AOPEP: variants seen among roughly 807,000 people sequenced by gnomAD.
AOPEP encodes aminopeptidase O (putative).
In AOPEP, 77 loss-of-function variants were observed where a neutral mutation model predicts 98.1. The ratio of observed to expected loss-of-function variants is 0.78; its 90% CI spans 0.65 to 0.95. The LOEUF is 0.95. Ranked by LOEUF, AOPEP falls within the 40% of genes least tolerant of loss-of-function variation. AOPEP has a pLI of 0.00. For missense variants in AOPEP, 1,024 were observed against 1,024.7 expected (o/e 1.00, Z 0.01); for synonymous variants, 346 against 365.3 (o/e 0.95, Z 0.60).
At chr9:94,865,168 A>G (rs2045571877) in intron 5 of AOPEP, among the ~76,000 whole-genome samples, 1 of 152,186 alleles carries the variant, frequency 6.6e-6, no homozygotes, top group Non-Finnish European at 1.5e-5. Flanking sequence ...AATCCTAGAG[A>G]ATGGTTCTGG....
chr9:94,951,213 T>C (rs1304593028), intron 7 of AOPEP, among the ~76,000 whole-genome samples: 2 of 152,224 alleles, frequency 1.3e-5, no homozygotes, highest in African/African-American at 4.8e-5. Context: ...CTGAACACTT[T>C]TGCTTTTATG....
chr9:94,897,665 T>C (rs2049760189), intron 5 of AOPEP, among the ~76,000 whole-genome samples: 1 of 152,194 alleles, frequency 6.6e-6, no homozygotes, highest in African/African-American at 2.4e-5. Context: ...TTTCTTATTT[T>C]ATCAAGTGTT....
chr9:94,734,924 G>A (rs1564032377), intron 1 of AOPEP, among the ~76,000 whole-genome samples: 1 of 152,202 alleles, frequency 6.6e-6, no homozygotes, highest in Non-Finnish European at 1.5e-5. Flanking sequence ...GTTCCTGTAG[G>A]TGGAGAATAC....
chr9:95,035,926 T>C (rs1220195029), intron 13 of AOPEP, among the ~76,000 whole-genome samples: 1 of 152,132 alleles, frequency 6.6e-6, no homozygotes, highest in African/African-American at 2.4e-5. Flanking sequence ...CAGACTTCCC[T>C]CCTACCACAT....
chr9:94,976,592 A>G (rs569281317), intron 10 of AOPEP, among the ~76,000 whole-genome samples: 1 of 151,504 alleles, frequency 6.6e-6, no homozygotes, highest in African/African-American at 2.4e-5. Flanking sequence ...CAAATTCTGC[A>G]TCTTCCTCTT....
intron 5 of AOPEP, among the ~76,000 whole-genome samples, chr9:94,855,534 C>G (rs1004737174): frequency 8.6e-5 from 13 of 151,950 alleles, no homozygotes; most frequent in Non-Finnish European, 1.8e-4. Context: ...ACTGAAAATA[C>G]AAGTTAGCCA....
chr9:95,041,446 G>GTGTGTAT (rs200579150), intron 13 of AOPEP, among the ~76,000 whole-genome samples: 5 of 142,012 alleles, frequency 3.5e-5, no homozygotes, highest in Admixed American at 1.4e-4. Flanking sequence ...AGTCCTTGGG[G>GTGTGTAT]GTGTGTGTGT....
At chr9:94,939,409 C>T (rs2056738152) in intron 7 of AOPEP, among the ~76,000 whole-genome samples, 1 of 152,156 alleles carries the variant, frequency 6.6e-6, no homozygotes, top group Admixed American at 6.5e-5. Flanking sequence ...TCCTCCTTGG[C>T]CAAGGTCTGG....
chr9:95,132,624 C>T, the AOPEP span, among the ~76,000 whole-genome samples: 8 of 152,162 alleles, frequency 5.3e-5, no homozygotes, highest in African/African-American at 1.7e-4. Flanking sequence ...GTCCACCGCA[C>T]GGAAGCCAAA....
intron 1 of AOPEP, among the ~76,000 whole-genome samples, chr9:94,735,802 C>T (rs1831622687): frequency 6.6e-6 from 1 of 152,202 alleles, no homozygotes; most frequent in Non-Finnish European, 1.5e-5. Flanking sequence ...CAAGGAATCC[C>T]TGTACTGATT....
chr9:94,786,150 T>C (rs1564131731), intron 3 of AOPEP, among the ~76,000 whole-genome samples: 1 of 152,254 alleles, frequency 6.6e-6, no homozygotes, highest in African/African-American at 2.4e-5. Flanking sequence ...CAACAGATGA[T>C]GACAGCACCT....
chr9:94,913,298 TTTGGAGAGACTTTTA>T (rs2052349960), intron 5 of AOPEP, among the ~76,000 whole-genome samples: 1 of 152,086 alleles, frequency 6.6e-6, no homozygotes, highest in African/African-American at 2.4e-5. Context: ...TTGGAGAGAC[TTTGGAGAGACTTTTA>T]TTTGTTTATT....
intron 5 of AOPEP, 40 bp from the exon 6 acceptor site, chr9:94,923,946 C>T: frequency 7.5e-7 from 1 of 1,338,842 alleles, no homozygotes; most frequent in Non-Finnish European, 9.7e-7. Flanking sequence ...AGGACAGGCT[C>T]TAACAAGACT....
intron 10 of AOPEP, among the ~76,000 whole-genome samples, chr9:94,977,159 A>G (rs1447768172): frequency 1.3e-5 from 2 of 152,040 alleles, no homozygotes; most frequent in Non-Finnish European, 2.9e-5. Flanking sequence ...GTGAAGATGG[A>G]GGTAAGACAG....
At chr9:95,106,710 T>C in the AOPEP span, among the ~76,000 whole-genome samples, 1 of 152,232 alleles carries the variant, frequency 6.6e-6, no homozygotes, top group Admixed American at 6.5e-5. Flanking sequence ...GAGCCCATTC[T>C]CATCGTGGCC....
intron 7 of AOPEP, chr9:94,932,244 A>G: frequency 1.0e-6 from 1 of 986,002 alleles, no homozygotes; most frequent in Middle Eastern, 5.2e-4. Flanking sequence ...TTTTCTTTTA[A>G]CACATGAAGT....
chr9:94,885,483 C>A lies in AOPEP; in HGVS notation c.1365-38503C>A, dbSNP rs115264561. ...AATGCACGTGGCTAAAGGGAAAAAG[C>A]ATGGAGGAATACACACAGGAAGTTT... On this transcript the variant is annotated intron_variant, in intron 5 of 16. Transcript: ENST00000375315. Among the ~76,000 whole-genome samples, 679 of 145,850 alleles carry A rather than the reference C, an allele frequency of 4.7e-3. 3 individuals carry two copies. Among genetic ancestry groups the A allele is most frequent in the African/African-American group, 0.016 (632 of 39,800 alleles).
rs181471979 is a variant in AOPEP at position 95,006,728 on chromosome 9, G to C, written c.2115+1112G>C. Reference sequence around the variant, plus strand: ...GAATAATAGAAAAAGTTGTGATTTGGAACAGACTTGAGTTTTCTGACCATA... The same window carrying C: ...GAATAATAGAAAAAGTTGTGATTTGCAACAGACTTGAGTTTTCTGACCATA... On this transcript the variant is annotated intron_variant, in intron 13 of 16. Coordinates refer to ENST00000375315, the MANE Select transcript of AOPEP (RefSeq NM_001193329.3). 1.4e-3 allele frequency among the ~76,000 whole-genome samples: 212 copies of C among 151,886 alleles called. 2 individuals carry two copies. The highest frequency in any genetic ancestry group is 4.8e-3 in the African/African-American group (198 of 41,462).
chr9:95,118,760 T>C, the AOPEP span, among the ~76,000 whole-genome samples: 141 of 152,384 alleles, frequency 9.3e-4, no homozygotes, highest in South Asian at 2.9e-3. Flanking sequence ...CTGTTTTTAT[T>C]GCTCAGAAGT....
Sources: gnomAD v4.1 joint callset for allele counts (sites outside exome capture counted in the v4.1 genomes callset) on GRCh38, gnomAD v4.1.1 for gene constraint, MANE v1.5 for transcripts, NCBI Gene and HGNC (gene_info 2026-07-23, HGNC 2026-07-21) for gene names.